The following TPD52 variants were observed in gnomAD, a reference collection of about 807,000 sequenced individuals.
The protein encoded by TPD52 is prostate and colon associated protein.
A neutral mutation model predicts 31.3 loss-of-function variants in TPD52; 17 were observed. The observed-to-expected ratio is 0.54, with a 90% CI of 0.37 to 0.82. TPD52 has a LOEUF of 0.82. Ranked by LOEUF, TPD52 falls within the 40% of genes least tolerant of loss-of-function variation. The pLI, the probability that TPD52 is intolerant of heterozygous loss-of-function variation, is 0.00. For synonymous variants in TPD52, 83 were observed against 89.6 expected, an observed-to-expected ratio of 0.93 and a Z score of 0.42; for missense variants, 212 against 240.1, an observed-to-expected ratio of 0.88 and a Z score of 0.77.
At chr8:80,104,818 G>C (rs1311951987) in intron 1 of TPD52, among the ~76,000 whole-genome samples, 3 of 151,990 alleles carry the variant, frequency 2.0e-5, no homozygotes, top group Non-Finnish European at 4.4e-5. Flanking sequence ...CCAGCATTTT[G>C]GAAGGCCAAG....
At chr8:80,105,915 A>T (rs926943219) in intron 1 of TPD52, among the ~76,000 whole-genome samples, 1 of 151,944 alleles carries the variant, frequency 6.6e-6, no homozygotes, top group East Asian at 1.9e-4. Flanking sequence ...TATTTTTAGT[A>T]GAGGTGGGGT....
intron 1 of TPD52, among the ~76,000 whole-genome samples, chr8:80,107,120 G>A (rs1807189446): frequency 6.6e-6 from 1 of 152,088 alleles, no homozygotes; most frequent in Admixed American, 6.6e-5. Context: ...CAAAGTGCTG[G>A]GATTACAGGC....
At chr8:80,083,193 C>CA (rs11367625) in intron 1 of TPD52, among the ~76,000 whole-genome samples, 48 of 147,008 alleles carry the variant, frequency 3.3e-4, no homozygotes, top group Middle Eastern at 3.6e-3. Context: ...ATATACTGTG[C>CA]AAAAAAAAAA....
At chr8:80,071,246 G>C (rs1197405952) in intron 1 of TPD52, among the ~76,000 whole-genome samples, 1 of 152,190 alleles carries the variant, frequency 6.6e-6, no homozygotes, top group African/African-American at 2.4e-5. Context: ...CCGATGGAAA[G>C]GGGCATAAAC....
At chr8:80,099,911 TG>T (rs1586297280) in intron 1 of TPD52, among the ~76,000 whole-genome samples, 1 of 152,210 alleles carries the variant, frequency 6.6e-6, no homozygotes, top group Non-Finnish European at 1.5e-5. Flanking sequence ...TCTCTTTTCT[TG>T]GCAAATATTT....
chr8:80,116,118 T>C (rs1807846344), intron 1 of TPD52, among the ~76,000 whole-genome samples: 1 of 152,122 alleles, frequency 6.6e-6, no homozygotes, highest in South Asian at 2.1e-4. Context: ...GAATTTACCC[T>C]CAGAAACACA....
chr8:80,100,676 C>T (rs1488283472), intron 1 of TPD52, among the ~76,000 whole-genome samples: 1 of 152,212 alleles, frequency 6.6e-6, no homozygotes, highest in Non-Finnish European at 1.5e-5. Context: ...GTCCCAAGAC[C>T]TGCAGTTAGT....
At chr8:80,061,998 C>G (rs1463281529) in intron 2 of TPD52, among the ~76,000 whole-genome samples, 1 of 152,088 alleles carries the variant, frequency 6.6e-6, no homozygotes, top group Non-Finnish European at 1.5e-5. Context: ...CAATACTCAC[C>G]AAGTCAATCT....
chr8:80,064,982 G>A, intron 1 of TPD52: 1 of 374,146 alleles, frequency 2.7e-6, no homozygotes, highest in Non-Finnish European at 5.2e-6. Flanking sequence ...CCCAGGGCAG[G>A]AGTTTGCATA....
chr8:80,079,669 G>A (rs1005439341), intron 1 of TPD52, among the ~76,000 whole-genome samples: 4 of 152,252 alleles, frequency 2.6e-5, no homozygotes, highest in South Asian at 4.1e-4. Context: ...GGACCCAGCC[G>A]GGAGGATGGC....
At position 80,072,366 on chromosome 8, in the gene TPD52, TACACATAG is replaced by T. The variant is rs1563598036; in HGVS notation, c.20-7781_20-7774del. ...GTGTGTGTATGTGTGTATATACATG[TACACATAG>T]ATATGCGTGTATATACATGTACACA... On this transcript the variant is annotated intron_variant, in intron 1 of 7. Coordinates refer to ENST00000518937, the MANE Select transcript of TPD52 (RefSeq NM_001025253.3). Among the ~76,000 whole-genome samples the T allele has an allele frequency of 2.7e-3, 408 of 149,224 alleles. 24 individuals carry two copies. Among genetic ancestry groups the T allele is most frequent in the African/African-American group, 9.7e-3 (383 of 39,588 alleles).
At chr8:80,047,992 T>C (rs1246195874) in intron 5 of TPD52, among the ~76,000 whole-genome samples, 2 of 152,196 alleles carry the variant, frequency 1.3e-5, no homozygotes, top group East Asian at 3.8e-4. Flanking sequence ...CTGACTGCAA[T>C]GAGAAGGTTC....
chr8:80,166,183 C>T lies in TPD52; in HGVS notation c.19+5242G>A, dbSNP rs556854252. ...ATAGAAAAATTATGGCGTGGAGGCA[C>T]ACGCCTGTAGTCACAGCTACTCAAG... On this transcript the variant is annotated intron_variant, in intron 1 of 7. Transcript: ENST00000518937. Among the ~76,000 whole-genome samples, 6 of 152,202 alleles carry T rather than the reference C, an allele frequency of 3.9e-5. No individual in the cohort carries two copies. In the East Asian group the frequency reaches 7.8e-4, roughly 20 times the overall value.
intron 1 of TPD52, among the ~76,000 whole-genome samples, chr8:80,136,179 T>TAAAAAA (rs796723826): frequency 9.1e-5 from 11 of 121,530 alleles, no homozygotes; most frequent in African/African-American, 1.2e-4. Flanking sequence ...GTCTTTGAGG[T>TAAAAAA]TAAAAAAAAA....
intron 1 of TPD52, among the ~76,000 whole-genome samples, chr8:80,140,617 T>A (rs907207285): frequency 6.6e-6 from 1 of 152,146 alleles, no homozygotes; most frequent in Admixed American, 6.5e-5. Context: ...GGACACTCAC[T>A]TAAAATTAAC....
At chr8:80,156,110 T>C (rs1487840915) in intron 1 of TPD52, among the ~76,000 whole-genome samples, 1 of 152,048 alleles carries the variant, frequency 6.6e-6, no homozygotes, top group Non-Finnish European at 1.5e-5. Flanking sequence ...TATTCTCTGC[T>C]CCACTCAGCC....
chr8:80,157,619 G>C (rs1811062077), intron 1 of TPD52, among the ~76,000 whole-genome samples: 1 of 152,146 alleles, frequency 6.6e-6, no homozygotes, highest in Non-Finnish European at 1.5e-5. Context: ...CCATAGCCAA[G>C]GCACTCCACG....
At chr8:80,084,304 A>T (rs533738928) in intron 1 of TPD52, among the ~76,000 whole-genome samples, 1 of 152,328 alleles carries the variant, frequency 6.6e-6, no homozygotes, top group East Asian at 1.9e-4. Context: ...GATCTGGTCC[A>T]CGCAGACACC....
chr8:80,033,573 AC>A (rs1181669777), downstream of TPD52, among the ~76,000 whole-genome samples: 1 of 152,012 alleles, frequency 6.6e-6, no homozygotes, highest in Non-Finnish European at 1.5e-5. Context: ...GGAGCGTGTC[AC>A]CGCCCCAGCT....
Sources: allele counts gnomAD v4.1 joint callset (sites outside exome capture counted in the v4.1 genomes callset), GRCh38; gene constraint gnomAD v4.1.1; transcripts MANE v1.5; gene names NCBI Gene and HGNC (gene_info 2026-07-23, HGNC 2026-07-21).